TMEM9B: variants seen among roughly 807,000 people sequenced by gnomAD.
TMEM9B encodes the protein TMEM9 domain family member B.
In TMEM9B, 8 loss-of-function variants were observed where a neutral mutation model predicts 23.5. The observed-to-expected ratio is 0.34, with a 90% CI of 0.20 to 0.61. The LOEUF is 0.61. Among genes scored for constraint, TMEM9B ranks in the 20% least tolerant of loss-of-function variants. The pLI is 0.78. For missense variants in TMEM9B, 197 were observed against 252.3 expected, an observed-to-expected ratio of 0.78 and a Z score of 1.49; for synonymous variants, 106 against 96.3, an observed-to-expected ratio of 1.10 and a Z score of -0.59.
intron 4 of TMEM9B, 93 bp downstream of exon 4, chr11:8,953,110 T>C: frequency 6.6e-7 from 1 of 1,506,030 alleles, no homozygotes; most frequent in Non-Finnish European, 9.2e-7. Flanking sequence ...CTTCAGCACG[T>C]GAACATCTAT....
At chr11:8,952,263 CACA>C (rs1853894513) in intron 4 of TMEM9B, among the ~76,000 whole-genome samples, 1 of 75,598 alleles carries the variant, frequency 1.3e-5, no homozygotes, top group Non-Finnish European at 3.6e-5. Context: ...CACACACACA[CACA>C]CACACACACA....
intron 1 of TMEM9B, among the ~76,000 whole-genome samples, chr11:8,963,143 A>G (rs72853712): frequency 0.084 from 12,761 of 152,282 alleles, 739 homozygotes; most frequent in South Asian, 0.25. Flanking sequence ...TGATCACAAT[A>G]CATAAAGTTA....
At chr11:8,952,924 A>G in intron 4 of TMEM9B, 1 of 573,128 alleles carries the variant, frequency 1.7e-6, no homozygotes, top group Non-Finnish European at 3.1e-6. Flanking sequence ...TTCTCAATGT[A>G]AACAGGGAAT....
intron 2 of TMEM9B, 25 bp downstream of exon 2, chr11:8,962,067 G>T: frequency 7.2e-7 from 1 of 1,395,472 alleles, no homozygotes; most frequent in Non-Finnish European, 9.9e-7. Context: ...AATGTGACAG[G>T]TAATTCAGTA....
At position 8,948,568 on chromosome 11, in the gene TMEM9B, T is replaced by TA. The variant is rs538569146; in HGVS notation, c.442-94dup. 9,937 of 1,429,150 alleles carry TA rather than the reference T, an allele frequency of 7.0e-3. 51 individuals are homozygous for TA. The highest frequency in any genetic ancestry group is 8.4e-3 in the Non-Finnish European group (8,904 of 1,058,112). The allele number at this position is 1,429,150 out of a possible 1,614,324, so 88.5% of individuals were successfully genotyped here. A position where few individuals can be genotyped will look rare whatever the true frequency, so the allele number is the denominator to read the frequency against. ...GACCAGCCCGCCACAGAAATAGGGGTAGGTGGACTTTTCAAACAACAGAGC... is the reference window on the plus strand; with the variant it reads ...GACCAGCCCGCCACAGAAATAGGGGTAAGGTGGACTTTTCAAACAACAGAGC... On this transcript the variant is annotated intron_variant, in intron 4 of 4. Coordinates refer to ENST00000534025, the MANE Select transcript of TMEM9B (RefSeq NM_020644.3).
chr11:8,948,807 A>G (rs1853823904), intron 4 of TMEM9B, among the ~76,000 whole-genome samples: 1 of 152,216 alleles, frequency 6.6e-6, no homozygotes, highest in Non-Finnish European at 1.5e-5. Flanking sequence ...CTTAACTGAT[A>G]GGGAAAAGAA....
At chr11:8,960,522 T>C (rs10840156) in intron 2 of TMEM9B, among the ~76,000 whole-genome samples, 91,042 of 151,980 alleles carry the variant, frequency 0.6, 27,926 homozygotes, top group East Asian at 0.74. Flanking sequence ...TCTGAAATAA[T>C]GAAAAGTTAG....
chr11:8,958,154 C>T (rs1178574446), intron 2 of TMEM9B, among the ~76,000 whole-genome samples: 1 of 65,420 alleles, frequency 1.5e-5, no homozygotes. Flanking sequence ...AGCGAAACTC[C>T]GTCTCAAAAA....
intron 4 of TMEM9B, among the ~76,000 whole-genome samples, chr11:8,952,283 A>ACACAC (rs58318628): frequency 1.4e-4 from 5 of 35,746 alleles, no homozygotes; most frequent in Non-Finnish European, 2.7e-4. Flanking sequence ...CACACACGCT[A>ACACAC]TATATATATA....
intron 4 of TMEM9B, chr11:8,952,889 G>A (rs1853910439): frequency 9.1e-6 from 5 of 547,440 alleles, no homozygotes; most frequent in South Asian, 8.1e-5. Flanking sequence ...AGGAGAGCTT[G>A]GAGAGAAAAC....
intron 1 of TMEM9B, 87 bp downstream of exon 1, chr11:8,964,122 C>T: frequency 1.5e-6 from 2 of 1,344,640 alleles, no homozygotes; most frequent in Non-Finnish European, 2.0e-6. Flanking sequence ...CAGGAATGGG[C>T]CAAGGAGCAG....
chr11:8,950,797 C>T (rs1021594653), intron 4 of TMEM9B, among the ~76,000 whole-genome samples: 1 of 151,998 alleles, frequency 6.6e-6, no homozygotes, highest in African/African-American at 2.4e-5. Flanking sequence ...TTTGTACTCA[C>T]TTTTATTTGC....
At chr11:8,964,017 G>A in intron 1 of TMEM9B, 192 bp downstream of exon 1, 3 of 591,984 alleles carry the variant, frequency 5.1e-6, no homozygotes, top group Non-Finnish European at 8.7e-6. Context: ...CCAGGCTGTC[G>A]GGGCTGAGGG....
At chr11:8,962,059 T>C in intron 2 of TMEM9B, 33 bp downstream of exon 2, 1 of 1,345,988 alleles carries the variant, frequency 7.4e-7, no homozygotes, top group Non-Finnish European at 1.0e-6. Flanking sequence ...CAGAAACAAA[T>C]GTGACAGGTA....
At chr11:8,952,117 A>G (rs1367563040) in intron 4 of TMEM9B, among the ~76,000 whole-genome samples, 1 of 152,118 alleles carries the variant, frequency 6.6e-6, no homozygotes, top group Non-Finnish European at 1.5e-5. Flanking sequence ...TCAAAAAACA[A>G]AAAAAACATT....
chr11:8,948,449 G>A lies in TMEM9B; in HGVS notation c.468C>T (p.His156=), dbSNP rs778536736. The change falls in exon 5 of 5, where the codon CAC becomes CAT. Residue 156 remains histidine (H), a synonymous_variant. Coordinates refer to ENST00000534025, the MANE Select transcript of TMEM9B (RefSeq NM_020644.3). The stretch of plus-strand genomic sequence containing the variant: ...GACTGCGGGAGCGGGCTAGCACATC[G>A]TGTGCATTTGCAAAAGGCTGGTGAT... ...IGDHQPFANA[H]DVLARSRSRA... 5.6e-6 allele frequency: 9 copies of A among 1,613,946 alleles called. No individual in the cohort carries two copies. Among genetic ancestry groups the A allele is most frequent in the East Asian group, 2.2e-5 (1 of 44,890 alleles).
chr11:8,954,274 T>C (rs1278676864), intron 3 of TMEM9B, among the ~76,000 whole-genome samples: 1 of 151,414 alleles, frequency 6.6e-6, no homozygotes, highest in Non-Finnish European at 1.5e-5. Flanking sequence ...AGGGATCTTT[T>C]TGGGGTAGTG....
At chr11:8,952,279 C>CACACACACACACACACACACAT (rs371219457) in intron 4 of TMEM9B, among the ~76,000 whole-genome samples, 72 of 126,134 alleles carry the variant, frequency 5.7e-4, no homozygotes, top group African/African-American at 1.9e-3. Context: ...CACACACACA[C>CACACACACACACACACACACAT]GCTATATATA....
chr11:8,964,369 G>GGGCTCAGGCTCAGGCTCA lies in TMEM9B; in HGVS notation c.-74_-57dup, dbSNP rs3833778. ...AGCCCCCGCGACCGGCTCCCGGCTC[G>GGGCTCAGGCTCAGGCTCA]GGCTCAGGCTCAGGCTCAGGCTCAG... On this transcript the variant is annotated 5_prime_UTR_variant, in exon 1 of 5. Transcript: ENST00000534025. 2,212 of 1,516,134 alleles carry GGGCTCAGGCTCAGGCTCA rather than the reference G, an allele frequency of 1.5e-3. 26 individuals are homozygous for GGGCTCAGGCTCAGGCTCA. The African/African-American group carries it at 0.028, about 19-fold the overall frequency. The allele number at this position is 1,516,134 out of a possible 1,614,324, so 93.9% of individuals were successfully genotyped here. A position where few individuals can be genotyped will look rare whatever the true frequency, so the allele number is the denominator to read the frequency against.
Sources: gnomAD v4.1 joint callset for allele counts (sites outside exome capture counted in the v4.1 genomes callset) on GRCh38, gnomAD v4.1.1 for gene constraint, MANE v1.5 for transcripts, NCBI Gene and HGNC (gene_info 2026-07-23, HGNC 2026-07-21) for gene names.